TSGA10: variants seen among roughly 807,000 people sequenced by gnomAD.
TSGA10 encodes testis specific 10.
TSGA10 carries 43 observed loss-of-function variants against 96.6 expected under a neutral mutation model. The ratio of observed to expected loss-of-function variants is 0.44; its 90% CI spans 0.35 to 0.57. The LOEUF is 0.57. TSGA10 is among the 20% of genes least tolerant of loss of function. The probability of loss-of-function intolerance (pLI) is 0.01; values close to 1 mark genes in which losing one functional copy is unlikely to be tolerated. For missense variants in TSGA10, 703 were observed against 834.4 expected (o/e 0.84, Z 1.94); for synonymous variants, 229 against 269.9 (o/e 0.85, Z 1.48).
chr2:99,024,622 A>G (rs2080387934), intron 17 of TSGA10, among the ~76,000 whole-genome samples: 1 of 152,106 alleles, frequency 6.6e-6, no homozygotes, highest in African/African-American at 2.4e-5. Flanking sequence ...TTCTTTTCCA[A>G]TCTGGATGCC....
At chr2:99,030,104 T>C (rs954419064) in intron 17 of TSGA10, among the ~76,000 whole-genome samples, 2 of 152,100 alleles carry the variant, frequency 1.3e-5, no homozygotes, top group South Asian at 2.1e-4. Context: ...CCCAGCACTT[T>C]GGGAGGCTGA....
intron 17 of TSGA10, among the ~76,000 whole-genome samples, chr2:99,034,749 A>G (rs1206015704): frequency 6.6e-6 from 1 of 152,092 alleles, no homozygotes; most frequent in Non-Finnish European, 1.5e-5. Context: ...ATCATTCATT[A>G]CAAATTATTT....
At chr2:99,087,336 A>G (rs1478842074) in intron 10 of TSGA10, among the ~76,000 whole-genome samples, 1 of 151,668 alleles carries the variant, frequency 6.6e-6, no homozygotes, top group Admixed American at 6.6e-5. Flanking sequence ...GAGAAACCCT[A>G]TCACTACTAA....
At chr2:99,020,602 T>A in intron 17 of TSGA10, 120 bp from the exon 18 acceptor site, 1 of 665,446 alleles carries the variant, frequency 1.5e-6, no homozygotes, top group South Asian at 2.0e-5. Context: ...TTTAATGTGA[T>A]TTGAAATTGT....
At chr2:99,075,675 G>A (rs949839597) in intron 12 of TSGA10, among the ~76,000 whole-genome samples, 2 of 152,128 alleles carry the variant, frequency 1.3e-5, no homozygotes, top group Non-Finnish European at 2.9e-5. Flanking sequence ...CCCTACAGAG[G>A]ATGGATGTGT....
chr2:99,007,658 A>T (rs2078622402), intron 20 of TSGA10, among the ~76,000 whole-genome samples: 1 of 152,220 alleles, frequency 6.6e-6, no homozygotes, highest in Non-Finnish European at 1.5e-5. Flanking sequence ...TAATAATAGG[A>T]GACTTTAGAA....
chr2:99,150,882 AG>A (rs763094198), intron 1 of TSGA10: 9 of 1,263,878 alleles, frequency 7.1e-6, no homozygotes, highest in Non-Finnish European at 1.0e-5. Context: ...CCTTTGACTA[AG>A]GGGGGTGTTG....
chr2:99,119,823 C>CCTTA (rs1469713107), intron 2 of TSGA10, among the ~76,000 whole-genome samples: 1 of 152,072 alleles, frequency 6.6e-6, no homozygotes, highest in Non-Finnish European at 1.5e-5. Context: ...TTTACCCTAC[C>CCTTA]CTTATTATTT....
chr2:99,060,250 G>T (rs2084532857), intron 16 of TSGA10, among the ~76,000 whole-genome samples: 1 of 152,018 alleles, frequency 6.6e-6, no homozygotes, highest in Non-Finnish European at 1.5e-5. Context: ...CTACTTTTGT[G>T]TATAGGCTAT....
intron 17 of TSGA10, among the ~76,000 whole-genome samples, chr2:99,032,192 G>A (rs953394607): frequency 2.0e-5 from 3 of 152,018 alleles, no homozygotes; most frequent in Non-Finnish European, 2.9e-5. Flanking sequence ...TTCCATCCGT[G>A]TCTCTTTCCT....
At chr2:99,008,833 A>C (rs574864111) in intron 20 of TSGA10, among the ~76,000 whole-genome samples, 2 of 152,324 alleles carry the variant, frequency 1.3e-5, no homozygotes, top group African/African-American at 4.8e-5. Flanking sequence ...AGTAGTGTGC[A>C]CCTGAAAAAA....
chr2:99,032,960 CAT>C (rs2081277056), intron 17 of TSGA10, among the ~76,000 whole-genome samples: 1 of 152,212 alleles, frequency 6.6e-6, no homozygotes, highest in Admixed American at 6.5e-5. Context: ...TGCATGAAGA[CAT>C]GTTATGTGCG....
chr2:99,141,277 G>C, intron 1 of TSGA10: 1 of 662,672 alleles, frequency 1.5e-6, no homozygotes, highest in Non-Finnish European at 2.0e-6. Flanking sequence ...GACGGAGCCC[G>C]CGGGAAGGAG....
In TSGA10 at chr2:99,098,585, A is replaced by G. The variant is rs2090356556; in HGVS notation, c.611+5382T>C. On this transcript the variant is annotated intron_variant, in intron 10 of 20. Coordinates refer to ENST00000393483, the MANE Select transcript of TSGA10 (RefSeq NM_025244.4). ...AAAGGAAATAATAAGAACAAAAGTA[A>G]TGAAATAATAAAAACAAAAAACAAA... Among the ~76,000 whole-genome samples the G allele has an allele frequency of 2.1e-5, 3 of 141,576 alleles. No homozygotes were observed. In the South Asian group the frequency reaches 7.1e-4, roughly 33 times the overall value. The allele number at this position is 141,576 out of a possible 152,430, so 92.9% of individuals were successfully genotyped here. A position where few individuals can be genotyped will look rare whatever the true frequency, so the allele number is the denominator to read the frequency against.
At position 99,072,756 on chromosome 2, in the gene TSGA10, C is replaced by CA. The variant is rs555155639; in HGVS notation, c.938+261dup. Reference sequence around the variant, plus strand: ...ACTCTAGGTTTCAACAACACTCACCCACTTGTAGGTCAAGAGGCTTGTCAA... The same window carrying CA: ...ACTCTAGGTTTCAACAACACTCACCCAACTTGTAGGTCAAGAGGCTTGTCAA... On this transcript the variant is annotated intron_variant, in intron 13 of 20. Coordinates refer to ENST00000393483, the MANE Select transcript of TSGA10 (RefSeq NM_025244.4). Among the ~76,000 whole-genome samples the CA allele has an allele frequency of 6.6e-5, 10 of 152,318 alleles. No individual in the cohort carries two copies. In the East Asian group the frequency reaches 1.9e-3, roughly 29 times the overall value.
chr2:99,114,252 G>A (rs2092060101), intron 4 of TSGA10, among the ~76,000 whole-genome samples: 1 of 152,012 alleles, frequency 6.6e-6, no homozygotes, highest in South Asian at 2.1e-4. Flanking sequence ...CACAAATTAG[G>A]CAAGGAATCT....
At position 99,108,963 on chromosome 2, in the gene TSGA10, T is replaced by G. The variant is rs765008962; in HGVS notation, c.80A>C (p.Lys27Thr). The G allele has an allele frequency of 6.3e-7, 1 of 1,592,904 alleles. No individual in the cohort carries two copies. Among genetic ancestry groups the G allele is most frequent in the Non-Finnish European group, 8.5e-7 (1 of 1,173,994 alleles). ...RGANCDVELL[K>T]TTTRDREELK... ...TTCTTCACGATCTCTTGTTGTTGTC[T>G]TCAAAAGTTCTACATCACAGTTTGC... Residue 27 changes from lysine (K) to threonine (T), a missense_variant, in exon 7 of 21, where the codon AAG becomes ACG. Lys to Thr is a moderately conservative substitution (Grantham distance 78, BLOSUM62 -1). This residue lies in a region of TSGA10 where 585 missense variants were observed against 656.8 expected (regional missense o/e 0.89). Transcript: ENST00000393483.
intron 1 of TSGA10, among the ~76,000 whole-genome samples, chr2:99,146,652 G>A (rs1336214703): frequency 2.6e-5 from 4 of 151,740 alleles, no homozygotes; most frequent in Admixed American, 1.3e-4. Context: ...TTTTTGAGAC[G>A]GAGTCTTGCT....
intron 11 of TSGA10, 137 bp downstream of exon 11, chr2:99,081,145 C>T (rs2104593282): frequency 7.3e-6 from 3 of 412,724 alleles, no homozygotes. Context: ...AAATGAATTT[C>T]TCTACTATTT....
Sources: allele counts gnomAD v4.1 joint callset (sites outside exome capture counted in the v4.1 genomes callset), GRCh38; gene constraint gnomAD v4.1.1; regional missense constraint gnomAD v4.1.1; transcripts MANE v1.5; gene names NCBI Gene and HGNC (gene_info 2026-07-23, HGNC 2026-07-21).